PEPD: variants seen among roughly 807,000 people sequenced by gnomAD.
PEPD encodes xaa-Pro dipeptidase.
In PEPD, 53 loss-of-function variants were observed where a neutral mutation model predicts 60.7. The observed-to-expected ratio is 0.87, with a 90% CI of 0.70 to 1.10. The LOEUF (loss-of-function observed/expected upper bound fraction) is 1.10. Among genes scored for constraint, PEPD ranks in the 50% least tolerant of loss-of-function variants. The pLI is 0.00. For synonymous variants in PEPD, 267 were observed against 284.1 expected, an observed-to-expected ratio of 0.94 and a Z score of 0.60; for missense variants, 711 against 711.9, an observed-to-expected ratio of 1.00 and a Z score of 0.01.
At chr19:33,413,461 G>A (rs1968821773) in intron 10 of PEPD, 114 bp downstream of exon 10, 8 of 699,330 alleles carry the variant, frequency 1.1e-5, no homozygotes, top group Non-Finnish European at 2.1e-5. Context: ...CGCTGGTGTG[G>A]GCGTGTGAGT....
chr19:33,391,459 G>T lies in PEPD; in HGVS notation c.988C>A (p.His330Asn). The T allele has an allele frequency of 1.3e-6, 2 of 1,551,874 alleles. No homozygotes were observed. The highest frequency in any genetic ancestry group is 1.7e-6 in the Non-Finnish European group (2 of 1,148,098). ...AGGTGGATGCGGTCAGCCAGGCGGT[G>T]CATGTCAGGCCACCAGACACCTGTG... The part of the protein sequence containing the change: ...MKPGVWWPDM[H>N]RLADRIHLEE... Residue 330 changes from histidine to asparagine, a missense_variant, in exon 13 of 15, where the codon CAC (histidine) becomes AAC (asparagine). His to Asn is a moderately conservative substitution (Grantham distance 68, BLOSUM62 1). Transcript: ENST00000244137.
chr19:33,409,900 G>T (rs566943343), intron 11 of PEPD, among the ~76,000 whole-genome samples: 12 of 152,248 alleles, frequency 7.9e-5, no homozygotes, highest in South Asian at 2.1e-4. Context: ...CAGGATCAGG[G>T]CGAGGAGTGG....
At chr19:33,505,542 G>A (rs574717428) in intron 3 of PEPD, among the ~76,000 whole-genome samples, 6 of 152,120 alleles carry the variant, frequency 3.9e-5, no homozygotes, top group Non-Finnish European at 7.4e-5. Flanking sequence ...GCACGGCAAA[G>A]AGGGCCCCCG....
rs535430011 is a variant in PEPD at position 33,437,259 on chromosome 19, G to A, written c.672-23616C>T. ...TTTTCCTTTCAAGAGTCTTCTAAACGATAGTTTAACTACCTCCATCAATTG... is the reference window on the plus strand; with the variant it reads ...TTTTCCTTTCAAGAGTCTTCTAAACAATAGTTTAACTACCTCCATCAATTG... On this transcript the variant is annotated intron_variant, in intron 9 of 14. Coordinates refer to ENST00000244137, the MANE Select transcript of PEPD (RefSeq NM_000285.4). Among the ~76,000 whole-genome samples, 17 of 152,224 alleles carry A rather than the reference G, an allele frequency of 1.1e-4. No homozygotes were observed. In the South Asian group the frequency reaches 2.9e-3, roughly 26 times the overall value.
chr19:33,387,121 TA>T lies in PEPD; in HGVS notation c.*222del. 1 of 576,864 alleles carries T rather than the reference TA, an allele frequency of 1.7e-6. No homozygotes were observed. Among genetic ancestry groups the T allele is most frequent in the Admixed American group, 3.1e-5 (1 of 32,244 alleles). 35.7% of individuals were successfully genotyped at this position (576,864 alleles called of 1,614,324 possible). ...CAATCATTTTAAGTCGCTCATTTAA[TA>T]AGCAAGGTATAAAACAGATTAAAGG... On this transcript the variant is annotated 3_prime_UTR_variant, in exon 15 of 15. Coordinates refer to ENST00000244137, the MANE Select transcript of PEPD (RefSeq NM_000285.4).
At chr19:33,424,970 C>G (rs1969109293) in intron 9 of PEPD, among the ~76,000 whole-genome samples, 1 of 151,602 alleles carries the variant, frequency 6.6e-6, no homozygotes. Context: ...CCATATCAGA[C>G]CCCAGCTCTT....
chr19:33,436,876 A>G (rs555628041), intron 9 of PEPD, among the ~76,000 whole-genome samples: 9 of 152,336 alleles, frequency 5.9e-5, no homozygotes, highest in Middle Eastern at 3.4e-3. Flanking sequence ...CGCTCACAGC[A>G]CTAGCAAGGC....
chr19:33,392,290 C>T (rs956572377), intron 12 of PEPD, among the ~76,000 whole-genome samples: 1 of 152,230 alleles, frequency 6.6e-6, no homozygotes, highest in African/African-American at 2.4e-5. Flanking sequence ...GGAGCATGGC[C>T]GCTAGGAAGG....
chr19:33,407,372 G>A (rs1443866715), intron 11 of PEPD, among the ~76,000 whole-genome samples: 2 of 152,238 alleles, frequency 1.3e-5, no homozygotes, highest in Non-Finnish European at 2.9e-5. Flanking sequence ...TTGCTGGCCT[G>A]CAGTGGCTCT....
At chr19:33,506,017 C>G (rs545894039) in intron 3 of PEPD, among the ~76,000 whole-genome samples, 1 of 147,272 alleles carries the variant, frequency 6.8e-6, no homozygotes, top group African/African-American at 2.5e-5. Flanking sequence ...CCTCATCATA[C>G]CCTACACACT....
chr19:33,446,132 C>T (rs1969590014), intron 9 of PEPD, among the ~76,000 whole-genome samples: 1 of 152,136 alleles, frequency 6.6e-6, no homozygotes, highest in African/African-American at 2.4e-5. Flanking sequence ...ACTTAGAATT[C>T]CCCGAGTTCT....
At chr19:33,499,776 C>T (rs533440223) in intron 4 of PEPD, among the ~76,000 whole-genome samples, 2 of 152,168 alleles carry the variant, frequency 1.3e-5, no homozygotes, top group Non-Finnish European at 2.9e-5. Flanking sequence ...ACAGCAGTAC[C>T]GGGGGCAGGG....
At chr19:33,455,046 A>G (rs1969771037) in intron 9 of PEPD, among the ~76,000 whole-genome samples, 1 of 152,244 alleles carries the variant, frequency 6.6e-6, no homozygotes, top group Admixed American at 6.5e-5. Context: ...CACAGCCCAG[A>G]GGAGGCTAAG....
At chr19:33,520,213 CT>C (rs142956156) in intron 1 of PEPD, among the ~76,000 whole-genome samples, 278 of 152,306 alleles carry the variant, frequency 1.8e-3, no homozygotes, top group African/African-American at 6.3e-3. Context: ...AATGCAACCC[CT>C]GGCACTCCCT....
chr19:33,494,279 C>T (rs375857352), intron 4 of PEPD, among the ~76,000 whole-genome samples: 1 of 152,182 alleles, frequency 6.6e-6, no homozygotes, highest in Non-Finnish European at 1.5e-5. Context: ...TCTTTACACC[C>T]GAAACGCAGG....
intron 11 of PEPD, among the ~76,000 whole-genome samples, chr19:33,408,273 G>A: frequency 6.6e-6 from 1 of 152,264 alleles, no homozygotes; most frequent in East Asian, 1.9e-4. Flanking sequence ...CCCACCTCCA[G>A]CCTGTGCTGC....
chr19:33,393,671 G>A (rs1414246267), intron 12 of PEPD, among the ~76,000 whole-genome samples: 1 of 152,210 alleles, frequency 6.6e-6, no homozygotes, highest in Non-Finnish European at 1.5e-5. Context: ...CCTCCATCGC[G>A]CATGACCAGC....
At chr19:33,403,962 C>T (rs1474030649) in intron 11 of PEPD, among the ~76,000 whole-genome samples, 1 of 152,218 alleles carries the variant, frequency 6.6e-6, no homozygotes, top group East Asian at 1.9e-4. Context: ...AGGGCCTAGG[C>T]TTCCCCACGG....
chr19:33,396,354 C>T (rs899058117), intron 12 of PEPD, among the ~76,000 whole-genome samples: 7 of 152,102 alleles, frequency 4.6e-5, no homozygotes, highest in African/African-American at 1.7e-4. Flanking sequence ...AGACACATGC[C>T]AGGTGGGCCG....
Sources: allele counts gnomAD v4.1 joint callset (sites outside exome capture counted in the v4.1 genomes callset), GRCh38; gene constraint gnomAD v4.1.1; transcripts MANE v1.5; gene names NCBI Gene and HGNC (gene_info 2026-07-23, HGNC 2026-07-21).